The following BDP1 variants were observed in gnomAD, a reference collection of about 807,000 sequenced individuals.
BDP1 encodes BDP1 general transcription factor IIIB subunit, also known as transcription factor TFIIIB component B'' homolog.
A neutral mutation model predicts 266.6 loss-of-function variants in BDP1; 169 were observed. The ratio of observed to expected loss-of-function variants is 0.63; its 90% CI spans 0.56 to 0.72. The LOEUF is 0.72. Among genes scored for constraint, BDP1 ranks in the 30% least tolerant of loss-of-function variants. The pLI is 0.00. For missense variants in BDP1, 3,015 were observed against 3,053.8 expected (o/e 0.99, Z 0.30); for synonymous variants, 1,090 against 1,022.4 (o/e 1.07, Z -1.26).
At chr5:71,502,552 T>C (rs768612176) in intron 14 of BDP1, 47 bp from the exon 15 acceptor site, 1 of 1,454,568 alleles carries the variant, frequency 6.9e-7, no homozygotes, top group East Asian at 2.4e-5. Flanking sequence ...GAGAAGGAAA[T>C]TGGTGACTTC....
rs1226763453 is a variant in BDP1 at position 71,567,301 on chromosome 5, TG to T, written c.*2418del. The T allele has an allele frequency of 6.6e-6, 1 of 152,218 alleles. No homozygotes were observed. The highest frequency in any genetic ancestry group is 1.9e-4 in the East Asian group (1 of 5,204). 9.4% of individuals were successfully genotyped at this position (152,218 alleles called of 1,614,324 possible). A position where few individuals can be genotyped will look rare whatever the true frequency, so the allele number is the denominator to read the frequency against. On this transcript the variant is annotated 3_prime_UTR_variant, in exon 39 of 39. Transcript: ENST00000358731. ...TTTAATCTATAATGAGCTAGTTTTA[TG>T]GAAAATGGAATTTCTTACTATATAA...
intron 15 of BDP1, among the ~76,000 whole-genome samples, chr5:71,503,383 A>G (rs1362395887): frequency 6.6e-6 from 1 of 152,212 alleles, no homozygotes; most frequent in Admixed American, 6.5e-5. Flanking sequence ...TGCTAGTTGT[A>G]AAGCCATTTT....
Position 71,564,785 on chromosome 5 carries a change from G to C in BDP1, c.7775G>C (p.Gly2592Ala). The change falls in exon 39 of 39, where the codon GGA becomes GCA. Residue 2592 changes from glycine to alanine, a missense_variant. Gly to Ala is a moderately conservative substitution (Grantham distance 60). Around this residue, in one of 3 missense-constraint regions of BDP1, gnomAD observed 629 missense variants for 632.5 expected, o/e 0.99. Transcript: ENST00000358731. ...VSCDQPLLKE[G>A]YKSAQKRAPQ... The stretch of plus-strand genomic sequence containing the variant: ...TGTGATCAGCCCTTACTGAAAGAAG[G>C]ATATAAAAGTGCCCAAAAGCGGGCC... The C allele has an allele frequency of 6.2e-7, 1 of 1,609,442 alleles. No individual in the cohort carries two copies. The highest frequency in any genetic ancestry group is 8.5e-7 in the Non-Finnish European group (1 of 1,179,080).
At chr5:71,495,159 G>A in intron 11 of BDP1, 91 bp from the exon 12 acceptor site, 1 of 742,936 alleles carries the variant, frequency 1.3e-6, no homozygotes, top group Non-Finnish European at 1.9e-6. Flanking sequence ...TTGCAAAATG[G>A]TGATTTTGTG....
In BDP1 at chr5:71,539,539, G is replaced by A; in HGVS notation, c.5930-18G>A. 2 of 1,566,872 alleles carry A rather than the reference G, an allele frequency of 1.3e-6. No individual in the cohort carries two copies. Among genetic ancestry groups the A allele is most frequent in the Non-Finnish European group, 1.7e-6 (2 of 1,147,534 alleles). On this transcript the variant is annotated intron_variant, in intron 27 of 38. Transcript: ENST00000358731. ...CGGATTCATTCTTTTTTTTAATGTT[G>A]ATATATTTCCTCACAAGGTACCAAT...
chr5:71,484,126 A>G (rs772812330), intron 8 of BDP1, among the ~76,000 whole-genome samples: 2 of 152,224 alleles, frequency 1.3e-5, no homozygotes, highest in Non-Finnish European at 2.9e-5. Context: ...TCTAAGTCCA[A>G]GAAGTTATGG....
the BDP1 span, among the ~76,000 whole-genome samples, chr5:71,576,795 G>A: frequency 6.6e-6 from 1 of 152,164 alleles, no homozygotes; most frequent in African/African-American, 2.4e-5. Flanking sequence ...GCTTGGCATG[G>A]AGCAGGCTTT....
intron 12 of BDP1, among the ~76,000 whole-genome samples, chr5:71,496,438 AT>A (rs10682137): frequency 9.2e-4 from 128 of 138,624 alleles, no homozygotes; most frequent in East Asian, 1.3e-3. Context: ...ACATTTATGA[AT>A]TTTTTTTTTT....
chr5:71,466,792 G>A (rs577351345), intron 5 of BDP1, among the ~76,000 whole-genome samples: 11 of 152,150 alleles, frequency 7.2e-5, no homozygotes, highest in African/African-American at 2.6e-4. Flanking sequence ...AATAAATAAA[G>A]CAATGGAAGG....
chr5:71,467,589 A>G, intron 6 of BDP1, 102 bp downstream of exon 6: 3 of 959,900 alleles, frequency 3.1e-6, no homozygotes, highest in Non-Finnish European at 4.7e-6. Flanking sequence ...AATGCAAACT[A>G]CCATTTTATT....
intron 13 of BDP1, among the ~76,000 whole-genome samples, chr5:71,498,325 G>A (rs1450095253): frequency 6.6e-6 from 1 of 152,068 alleles, no homozygotes; most frequent in Non-Finnish European, 1.5e-5. Context: ...CTAACTCCTG[G>A]CCTCAAGTGA....
chr5:71,492,856 G>A (rs1209680224), intron 11 of BDP1, among the ~76,000 whole-genome samples: 10 of 152,108 alleles, frequency 6.6e-5, no homozygotes, highest in Non-Finnish European at 4.4e-5. Flanking sequence ...CAATTTAGTG[G>A]CATTATTTAC....
chr5:71,527,105 G>A (rs1765935235), intron 25 of BDP1, among the ~76,000 whole-genome samples: 1 of 151,918 alleles, frequency 6.6e-6, no homozygotes, highest in African/African-American at 2.4e-5. Context: ...AATTAATTTA[G>A]AGATGGGGTT....
At chr5:71,536,794 G>A (rs1355756948) in intron 26 of BDP1, among the ~76,000 whole-genome samples, 1 of 151,988 alleles carries the variant, frequency 6.6e-6, no homozygotes, top group Non-Finnish European at 1.5e-5. Context: ...CGCCGTCACT[G>A]CACCCCAGTC....
In BDP1 at chr5:71,504,682, A is replaced by C. The variant is rs760823195; in HGVS notation, c.2303A>C (p.Gln768Pro). The C allele has an allele frequency of 2.5e-6, 4 of 1,613,490 alleles. No individual in the cohort carries two copies. Among genetic ancestry groups the C allele is most frequent in the Non-Finnish European group, 3.4e-6 (4 of 1,179,628 alleles). ...KDFEEEDVIL[Q>P]PEKNDSFQNV... is the part of the protein sequence containing the mutation. The stretch of plus-strand genomic sequence containing the variant: ...TTTGAAGAGGAAGATGTCATATTAC[A>C]GCCTGAGAAAAATGATTCTTTTCAA... Residue 768 changes from glutamine (Q) to proline (P), a missense_variant, in exon 16 of 39, where the codon CAG becomes CCG. By Grantham distance (76) the Gln-to-Pro change is moderately conservative (BLOSUM62 -1). Transcript: ENST00000358731.
At chr5:71,535,941 T>C (rs1441657086) in intron 26 of BDP1, among the ~76,000 whole-genome samples, 1 of 152,238 alleles carries the variant, frequency 6.6e-6, no homozygotes, top group African/African-American at 2.4e-5. Flanking sequence ...TTTTAAATAA[T>C]GTCATATTCA....
chr5:71,551,510 T>A (rs1370722528), intron 34 of BDP1, among the ~76,000 whole-genome samples: 3 of 152,354 alleles, frequency 2.0e-5, no homozygotes, highest in Admixed American at 1.3e-4. Context: ...CATGTCTACT[T>A]CTTTCTACAC....
intron 12 of BDP1, 71 bp from the exon 13 acceptor site, chr5:71,497,199 T>C: frequency 7.2e-7 from 1 of 1,380,026 alleles, no homozygotes; most frequent in Non-Finnish European, 1.0e-6. Context: ...TAATTCTCAG[T>C]AGGTTATTTT....
At chr5:71,493,626 A>G (rs1763722639) in intron 11 of BDP1, among the ~76,000 whole-genome samples, 1 of 152,188 alleles carries the variant, frequency 6.6e-6, no homozygotes, top group Non-Finnish European at 1.5e-5. Context: ...TGTCATGTAC[A>G]CAAGAACAAA....
Sources: gnomAD v4.1 joint callset for allele counts (sites outside exome capture counted in the v4.1 genomes callset) on GRCh38, gnomAD v4.1.1 for gene constraint, gnomAD v4.1.1 regional missense constraint, MANE v1.5 for transcripts, NCBI Gene and HGNC (gene_info 2026-07-23, HGNC 2026-07-21) for gene names.